Variants in PBX1 observed in about 807,000 individuals in gnomAD.
The protein encoded by PBX1 is pre-B-cell leukemia transcription factor 1.
A neutral mutation model predicts 53.4 loss-of-function variants in PBX1; 6 were observed. That is an observed-to-expected ratio of 0.11 (90% CI 0.06 to 0.22). The LOEUF is 0.22. Ranked by LOEUF, PBX1 falls within the 10% of genes least tolerant of loss-of-function variation. PBX1 has a pLI of 1.00. For synonymous variants in PBX1, 204 were observed against 212.3 expected, an observed-to-expected ratio of 0.96 and a Z score of 0.34; for missense variants, 251 against 551.4, an observed-to-expected ratio of 0.46 and a Z score of 5.46.
intron 5 of PBX1, among the ~76,000 whole-genome samples, chr1:164,808,804 A>ACAGCAGCAAAT (rs1322557679): frequency 6.6e-6 from 1 of 152,232 alleles, no homozygotes; most frequent in Non-Finnish European, 1.5e-5. Context: ...AGATGATTTT[A>ACAGCAGCAAAT]CAGCAGCAAA....
intron 2 of PBX1, among the ~76,000 whole-genome samples, chr1:164,735,723 T>G (rs955203267): frequency 1.3e-5 from 2 of 152,150 alleles, no homozygotes; most frequent in African/African-American, 4.8e-5. Flanking sequence ...AACTCTGCAA[T>G]CAGGACAAGT....
At chr1:164,743,686 T>G (rs1430318513) in intron 2 of PBX1, among the ~76,000 whole-genome samples, 1 of 152,140 alleles carries the variant, frequency 6.6e-6, no homozygotes, top group Non-Finnish European at 1.5e-5. Flanking sequence ...AGTCATGGAA[T>G]AGAATTCCAG....
chr1:164,676,675 C>G (rs1661449984), intron 2 of PBX1, among the ~76,000 whole-genome samples: 1 of 152,160 alleles, frequency 6.6e-6, no homozygotes, highest in African/African-American at 2.4e-5. Context: ...GCCTGCAGCC[C>G]CCTAACTTGC....
At chr1:164,707,394 G>GGTATGT (rs1553233442) in intron 2 of PBX1, among the ~76,000 whole-genome samples, 3 of 103,418 alleles carry the variant, frequency 2.9e-5, no homozygotes, top group African/African-American at 1.3e-4. Context: ...ACACCACTGA[G>GGTATGT]GTGTGTGTGT....
chr1:164,870,204 C>CT lies in PBX1; in HGVS notation n.258-28981dup, dbSNP rs1233669975. 4.5e-4 allele frequency among the ~76,000 whole-genome samples: 65 copies of CT among 144,930 alleles called. 2 individuals are homozygous for CT. In the South Asian group the frequency reaches 6.5e-3, roughly 15 times the overall value. On this transcript the variant is annotated intron_variant and non_coding_transcript_variant, in intron 2 of 2. Coordinates refer to the PBX1 transcript ENST00000558796. ...TTTTCTCTATTGACTTTCTTTCTTTCTTTCTTTTCTTTCTTTCCTTCCTTC... is the reference window on the plus strand; with the variant it reads ...TTTTCTCTATTGACTTTCTTTCTTTCTTTTCTTTTCTTTCTTTCCTTCCTTC...
chr1:164,580,441 G>A (rs988357830), intron 2 of PBX1, among the ~76,000 whole-genome samples: 4 of 151,926 alleles, frequency 2.6e-5, no homozygotes, highest in African/African-American at 9.7e-5. Flanking sequence ...ACCATGCCCG[G>A]CTAATTTTTG....
intron 2 of PBX1, among the ~76,000 whole-genome samples, chr1:164,780,344 A>G (rs1215961124): frequency 6.6e-6 from 1 of 152,088 alleles, no homozygotes; most frequent in African/African-American, 2.4e-5. Flanking sequence ...GTAGCACATT[A>G]TTTTCGATAA....
chr1:164,833,759 T>C (rs1327410179), intron 8 of PBX1, among the ~76,000 whole-genome samples: 1 of 152,138 alleles, frequency 6.6e-6, no homozygotes. Flanking sequence ...GGGTTTTGTG[T>C]GTATGTTTTT....
intron 2 of PBX1, among the ~76,000 whole-genome samples, chr1:164,790,516 A>G (rs1338850547): frequency 6.6e-6 from 1 of 151,992 alleles, no homozygotes; most frequent in Admixed American, 6.6e-5. Context: ...TCTCCTTCCC[A>G]GCTACCTGCT....
intron 2 of PBX1, among the ~76,000 whole-genome samples, chr1:164,645,979 A>G (rs1433379783): frequency 6.6e-6 from 1 of 152,180 alleles, no homozygotes; most frequent in African/African-American, 2.4e-5. Flanking sequence ...AAGTCACCTC[A>G]TCTTTCTGTC....
At chr1:164,800,656 G>A (rs1440882033) in intron 4 of PBX1, among the ~76,000 whole-genome samples, 1 of 152,196 alleles carries the variant, frequency 6.6e-6, no homozygotes, top group Non-Finnish European at 1.5e-5. Context: ...CAGCCTGTAA[G>A]ATAGTAATAG....
intron 6 of PBX1, 43 bp from the exon 7 acceptor site, chr1:164,820,029 T>A (rs1314116498): frequency 7.8e-7 from 1 of 1,274,334 alleles, no homozygotes; most frequent in African/African-American, 1.5e-5. Context: ...GGTTTGAGCC[T>A]TTTCCTTTCT....
chr1:164,669,300 T>C (rs930771071), intron 2 of PBX1, among the ~76,000 whole-genome samples: 2 of 152,148 alleles, frequency 1.3e-5, no homozygotes, highest in African/African-American at 2.4e-5. Flanking sequence ...GTCTGTCTTA[T>C]TGATATAGCT....
chr1:164,804,086 G>A (rs1329671099), intron 4 of PBX1, among the ~76,000 whole-genome samples: 1 of 152,060 alleles, frequency 6.6e-6, no homozygotes, highest in Non-Finnish European at 1.5e-5. Context: ...AATGATTAGT[G>A]ACATGATCAT....
intron 2 of PBX1, among the ~76,000 whole-genome samples, chr1:164,638,236 TC>T (rs528797647): frequency 8.9e-4 from 135 of 152,340 alleles, no homozygotes; most frequent in African/African-American, 3.0e-3. Flanking sequence ...CTGCGCCTCT[TC>T]CTGTTTGGTC....
intron 2 of PBX1, among the ~76,000 whole-genome samples, chr1:164,622,412 A>G (rs1347780523): frequency 1.3e-5 from 2 of 152,094 alleles, no homozygotes; most frequent in Non-Finnish European, 2.9e-5. Context: ...TTCTGGATTG[A>G]TCTTTTTCTA....
At chr1:164,698,407 G>C (rs895038912) in intron 2 of PBX1, among the ~76,000 whole-genome samples, 5 of 152,170 alleles carry the variant, frequency 3.3e-5, no homozygotes, top group Non-Finnish European at 7.4e-5. Context: ...AGCCTTGTGG[G>C]GTTGAACAGA....
chr1:164,838,213 C>T (rs560909028), intron 8 of PBX1, among the ~76,000 whole-genome samples: 4 of 152,202 alleles, frequency 2.6e-5, no homozygotes, highest in Non-Finnish European at 4.4e-5. Flanking sequence ...GTTTTCATAC[C>T]GTGTGAACAT....
Position 164,833,732 on chromosome 1 carries a change from T to C in PBX1, c.1200+12106T>C, listed in dbSNP as rs538027309. 1.5e-4 allele frequency among the ~76,000 whole-genome samples: 23 copies of C among 152,306 alleles called. No homozygotes were observed. In the South Asian group the frequency reaches 4.8e-3, roughly 32 times the overall value. On this transcript the variant is annotated intron_variant, in intron 8 of 8. Coordinates refer to ENST00000420696, the MANE Select transcript of PBX1 (RefSeq NM_002585.4). ...TGAATGCTTTTCAAAGTGAGCCTAG[T>C]TGAACCTGTTGTCAGTGGGTTTTGT... is the stretch of plus-strand genomic sequence containing the variant.
Sources: allele counts gnomAD v4.1 joint callset (sites outside exome capture counted in the v4.1 genomes callset), GRCh38; gene constraint gnomAD v4.1.1; transcripts MANE v1.5; gene names NCBI Gene and HGNC (gene_info 2026-07-23, HGNC 2026-07-21).